SLC39A10: variants seen among roughly 807,000 people sequenced by gnomAD.
SLC39A10 encodes zinc transporter ZIP10.
Under a neutral mutation model 65.1 loss-of-function variants are expected in SLC39A10, and 13 were observed. That is an observed-to-expected ratio of 0.20 (90% CI 0.13 to 0.32). SLC39A10 has a LOEUF of 0.32. Among genes scored for constraint, SLC39A10 ranks in the 10% least tolerant of loss-of-function variants. The probability of loss-of-function intolerance (pLI) is 1.00; values close to 1 mark genes in which losing one functional copy is unlikely to be tolerated. For synonymous variants in SLC39A10, 321 were observed against 342.2 expected (o/e 0.94, Z 0.68); for missense variants, 831 against 1,018.4 (o/e 0.82, Z 2.50).
chr2:195,732,498 A>G (rs2105851130), intron 9 of SLC39A10, among the ~76,000 whole-genome samples: 1 of 152,332 alleles, frequency 6.6e-6, no homozygotes, highest in South Asian at 2.1e-4. Context: ...GTGGGTGTTG[A>G]CATTCAGGTT....
intron 1 of SLC39A10, among the ~76,000 whole-genome samples, chr2:195,673,190 T>C (rs1191522314): frequency 2.0e-5 from 3 of 152,228 alleles, no homozygotes; most frequent in Admixed American, 6.5e-5. Flanking sequence ...TATTTATTAA[T>C]TTATTTTGAG....
intron 1 of SLC39A10, among the ~76,000 whole-genome samples, chr2:195,664,228 T>G (rs1046338426): frequency 6.6e-6 from 1 of 152,164 alleles, no homozygotes; most frequent in Non-Finnish European, 1.5e-5. Flanking sequence ...ACACAAGTAC[T>G]TAAGGTTTTT....
At chr2:195,630,105 G>A (rs1220307302) in intron 2 of SLC39A10, among the ~76,000 whole-genome samples, 2 of 78,894 alleles carry the variant, frequency 2.5e-5, no homozygotes, top group African/African-American at 1.2e-4. Context: ...CATTTTATAT[G>A]TGTGTGTGTG....
chr2:195,674,737 A>G (rs963755352), intron 1 of SLC39A10: 2 of 774,994 alleles, frequency 2.6e-6, no homozygotes, highest in African/African-American at 3.8e-5. Flanking sequence ...ATCATAGAGT[A>G]TACTTAGACA....
At position 195,735,162 on chromosome 2, in the gene SLC39A10, TAGATTTG is replaced by T; in HGVS notation, c.*124_*130del. The T allele has an allele frequency of 9.4e-7, 1 of 1,067,332 alleles. No homozygotes were observed. Among genetic ancestry groups the T allele is most frequent in the Non-Finnish European group, 1.3e-6 (1 of 761,416 alleles). The allele number at this position is 1,067,332 out of a possible 1,614,324, so 66.1% of individuals were successfully genotyped here. ...TGGCTTGCACTACTTACAAGTTTCA[TAGATTTG>T]AGCCTAACCACAAGAGGCTGGTGCT... On this transcript the variant is annotated 3_prime_UTR_variant, in exon 10 of 10. Coordinates refer to ENST00000359634, the MANE Select transcript of SLC39A10 (RefSeq NM_020342.3).
At chr2:195,645,030 C>A (rs561873651) in intron 2 of SLC39A10, among the ~76,000 whole-genome samples, 8 of 151,896 alleles carry the variant, frequency 5.3e-5, no homozygotes, top group African/African-American at 1.7e-4. Flanking sequence ...CTGCCTCAGC[C>A]GCCCTAGTAG....
intron 2 of SLC39A10, among the ~76,000 whole-genome samples, chr2:195,640,494 G>GT (rs201180660): frequency 0.044 from 6,651 of 151,600 alleles, 224 homozygotes; most frequent in South Asian, 0.076. Context: ...GCATACACTA[G>GT]TTTTTTTTTA....
Position 195,671,245 on chromosome 2 carries a change from A to G in SLC39A10, c.-11-8787A>G, listed in dbSNP as rs542291669. Among the ~76,000 whole-genome samples the G allele has an allele frequency of 1.5e-4, 23 of 152,348 alleles. No individual in the cohort carries two copies. The East Asian group carries it at 4.4e-3, about 29-fold the overall frequency. ...AATTAGCACAATGATTAAGTTCCTA[A>G]CTGTAAATTAGCCCCACTCTTAATG... On this transcript the variant is annotated intron_variant, in intron 1 of 9. Coordinates refer to ENST00000359634, the MANE Select transcript of SLC39A10 (RefSeq NM_020342.3).
chr2:195,625,221 A>AG lies in SLC39A10; in HGVS notation c.-12+18988_-12+18989insG, dbSNP rs1376426293. On this transcript the variant is annotated intron_variant, in intron 2 of 2. Coordinates refer to the SLC39A10 transcript ENST00000458054. ...GACAGAGGGACACTCTGTCTCAAAA[A>AG]AAAAGAAAGAAAGAAAGAAAGAAAG... is the stretch of plus-strand genomic sequence containing the variant. Among the ~76,000 whole-genome samples the AG allele has an allele frequency of 1.2e-3, 152 of 123,590 alleles. 9 individuals are homozygous for AG. The highest frequency in any genetic ancestry group is 4.3e-3 in the Middle Eastern group (1 of 230). 81.1% of individuals were successfully genotyped at this position (123,590 alleles called of 152,430 possible). A position where few individuals can be genotyped will look rare whatever the true frequency, so the allele number is the denominator to read the frequency against.
rs890888158 is a variant in SLC39A10, at chr2:195,695,407, C to T, written c.1217-11209C>T. 4.9e-4 allele frequency among the ~76,000 whole-genome samples: 75 copies of T among 152,258 alleles called. 1 individual carries two copies. The highest frequency in any genetic ancestry group is 1.8e-3 in the African/African-American group (73 of 41,546). On this transcript the variant is annotated intron_variant, in intron 3 of 9. Coordinates refer to ENST00000359634, the MANE Select transcript of SLC39A10 (RefSeq NM_020342.3). ...GAAAACTGGCAGTCACAGGCCTCAC[C>T]ACACTCCCACACAACCTGCAGTCCT...
Position 195,728,301 on chromosome 2 carries a change from C to A in SLC39A10, c.2289C>A (p.Ile763=), listed in dbSNP as rs1308426835. 6.2e-7 allele frequency: 1 copy of A among 1,614,036 alleles called. No individual in the cohort carries two copies. Among genetic ancestry groups the A allele is most frequent in the Admixed American group, 1.7e-5 (1 of 60,028 alleles). ...ATGCCAATAACATCACACTTTGGAT[C>A]TTTGCAGTCACTGCAGGCATGTTCC... is the stretch of plus-strand genomic sequence containing the variant. ...GQYANNITLW[I]FAVTAGMFLY... is the part of the protein sequence containing the mutation. The change falls in exon 9 of 10, where the codon ATC becomes ATA. Residue 763 remains isoleucine (I), a synonymous_variant. Transcript: ENST00000359634. This position sits in a 1 kb window ranked among gnomAD's most constrained non-coding sequence, Gnocchi z 4.4.
intron 1 of SLC39A10, among the ~76,000 whole-genome samples, chr2:195,667,650 G>A (rs1337600923): frequency 6.6e-6 from 1 of 152,088 alleles, no homozygotes; most frequent in African/African-American, 2.4e-5. Flanking sequence ...ATATTTAATT[G>A]CTTTACAAAG....
At chr2:195,652,148 G>A (rs1024606451), upstream of SLC39A10, among the ~76,000 whole-genome samples, 1 of 152,154 alleles carries the variant, frequency 6.6e-6, no homozygotes, top group African/African-American at 2.4e-5. Context: ...TTTTCTGATT[G>A]GCAGTTGGTT....
chr2:195,690,830 C>T (rs982077070), intron 3 of SLC39A10, among the ~76,000 whole-genome samples: 5 of 151,960 alleles, frequency 3.3e-5, no homozygotes, highest in African/African-American at 1.2e-4. Context: ...CCTTTTTACT[C>T]TGTTGATAAT....
intron 3 of SLC39A10, among the ~76,000 whole-genome samples, chr2:195,694,495 A>C (rs1690862776): frequency 6.6e-6 from 1 of 152,084 alleles, no homozygotes; most frequent in African/African-American, 2.4e-5. Context: ...GGGAGACCTG[A>C]GCTACAGGAT....
chr2:195,627,329 A>G (rs1688494476), intron 2 of SLC39A10, among the ~76,000 whole-genome samples: 1 of 152,192 alleles, frequency 6.6e-6, no homozygotes, highest in African/African-American at 2.4e-5. Flanking sequence ...AATAGCTACA[A>G]CTTCAATAAT....
intron 3 of SLC39A10, among the ~76,000 whole-genome samples, chr2:195,686,700 A>G (rs1690540903): frequency 6.6e-6 from 1 of 152,360 alleles, no homozygotes; most frequent in Non-Finnish European, 1.5e-5. Flanking sequence ...GGCTTAGAGA[A>G]TAAGTCAGGT....
At chr2:195,658,506 T>C (rs182672004) in intron 1 of SLC39A10, 133 of 152,358 alleles carry the variant, frequency 8.7e-4, no homozygotes, top group African/African-American at 3.1e-3. Flanking sequence ...AACTGAGTCA[T>C]TCTTGGAGCA....
In SLC39A10 at chr2:195,735,242, T is replaced by A. The variant is rs1692554294; in HGVS notation, c.*201T>A. The stretch of plus-strand genomic sequence containing the variant: ...AGGGGTCTTTTAAAAATATAAAGCT[T>A]GTGATAAAGAGAGGAGAATATGGGA... On this transcript the variant is annotated 3_prime_UTR_variant, in exon 10 of 10. Transcript: ENST00000359634. The A allele has an allele frequency of 2.4e-6, 1 of 417,772 alleles. No homozygotes were observed. 25.9% of individuals were successfully genotyped at this position (417,772 alleles called of 1,614,324 possible). A position where few individuals can be genotyped will look rare whatever the true frequency, so the allele number is the denominator to read the frequency against.
Sources: gnomAD v4.1 joint callset for allele counts (sites outside exome capture counted in the v4.1 genomes callset) on GRCh38, gnomAD v4.1.1 for gene constraint, Gnocchi (gnomAD v3.1) non-coding constraint, MANE v1.5 for transcripts, NCBI Gene and HGNC (gene_info 2026-07-23, HGNC 2026-07-21) for gene names.